The following CSMD3 variants were observed in gnomAD, a reference collection of about 807,000 sequenced individuals.
CSMD3 encodes the protein CUB and Sushi multiple domains 3.
CSMD3 carries 177 observed loss-of-function variants against 435.2 expected under a neutral mutation model. The ratio of observed to expected loss-of-function variants is 0.41; its 90% CI spans 0.36 to 0.46. The LOEUF (loss-of-function observed/expected upper bound fraction) is 0.46. CSMD3 is among the 20% of genes least tolerant of loss of function. The pLI is 0.34. For synonymous variants in CSMD3, 1,656 were observed against 1,520.5 expected (o/e 1.09, Z -2.07); for missense variants, 4,265 against 4,504.6 (o/e 0.95, Z 1.52).
At chr8:113,079,934 ATGTTTGTTTGTT>A (rs150634033) in intron 5 of CSMD3, among the ~76,000 whole-genome samples, 1 of 151,972 alleles carries the variant, frequency 6.6e-6, no homozygotes, top group African/African-American at 2.4e-5. Flanking sequence ...GTATTTTTAA[ATGTTTGTTTGTT>A]TGTTTGTTTT....
intron 28 of CSMD3, among the ~76,000 whole-genome samples, chr8:112,510,403 G>A (rs1218106915): frequency 2.6e-5 from 4 of 152,036 alleles, no homozygotes; most frequent in Non-Finnish European, 5.9e-5. Flanking sequence ...TTATCATACT[G>A]CTTATATTTC....
At chr8:112,697,035 T>C (rs989815759) in intron 13 of CSMD3, among the ~76,000 whole-genome samples, 9 of 150,942 alleles carry the variant, frequency 6.0e-5, no homozygotes, top group Non-Finnish European at 1.0e-4. Context: ...AGATACCATC[T>C]CACACCAGTT....
chr8:112,456,863 A>G lies in CSMD3; in HGVS notation c.5395+15728T>C, dbSNP rs149219934. ...ACAAACCCTCATGAAATATGATTAC[A>G]AACTCAAACATGATGCAAAGAAACC... On this transcript the variant is annotated intron_variant, in intron 32 of 70. Transcript: ENST00000297405. 3.4e-3 allele frequency among the ~76,000 whole-genome samples: 514 copies of G among 152,246 alleles called. 2 individuals are homozygous for G. The highest frequency in any genetic ancestry group is 0.012 in the African/African-American group (491 of 41,560).
intron 5 of CSMD3, among the ~76,000 whole-genome samples, chr8:113,043,056 C>G (rs922456993): frequency 6.6e-6 from 1 of 152,190 alleles, no homozygotes; most frequent in Non-Finnish European, 1.5e-5. Context: ...TTTCGTGTCT[C>G]TAAAAAATAT....
chr8:112,670,169 CAAG>C (rs1196948207), intron 16 of CSMD3, among the ~76,000 whole-genome samples: 1 of 151,940 alleles, frequency 6.6e-6, no homozygotes. Context: ...AAGATGAAAT[CAAG>C]AAGAAGAAAT....
intron 11 of CSMD3, among the ~76,000 whole-genome samples, chr8:112,850,482 G>C (rs2080453905): frequency 1.3e-5 from 2 of 152,124 alleles, no homozygotes; most frequent in African/African-American, 4.8e-5. Flanking sequence ...GAATGGACTG[G>C]TATAGTTCTC....
intron 3 of CSMD3, among the ~76,000 whole-genome samples, chr8:113,228,981 G>T (rs542702063): frequency 6.6e-6 from 1 of 151,534 alleles, no homozygotes; most frequent in Non-Finnish European, 1.5e-5. Flanking sequence ...AATTCACCAC[G>T]TTCAAGTTCT....
chr8:113,190,765 A>T (rs528090740), intron 3 of CSMD3, among the ~76,000 whole-genome samples: 46 of 151,730 alleles, frequency 3.0e-4, no homozygotes, highest in Non-Finnish European at 6.5e-4. Context: ...GTGAATGTTA[A>T]CATCACAACT....
intron 5 of CSMD3, among the ~76,000 whole-genome samples, chr8:113,095,646 A>G (rs1325860894): frequency 1.3e-5 from 2 of 152,182 alleles, no homozygotes; most frequent in Admixed American, 6.6e-5. Flanking sequence ...GATTCAACCA[A>G]TCACAGATCA....
chr8:112,486,935 G>A (rs1222155034), intron 31 of CSMD3, among the ~76,000 whole-genome samples: 1 of 152,136 alleles, frequency 6.6e-6, no homozygotes, highest in African/African-American at 2.4e-5. Context: ...TGACTAAAAG[G>A]AATCAACAAA....
chr8:112,789,288 G>C, intron 13 of CSMD3, among the ~76,000 whole-genome samples: 1 of 151,944 alleles, frequency 6.6e-6, no homozygotes, highest in East Asian at 1.9e-4. Context: ...TCAATATTGA[G>C]TGCAATATTT....
intron 5 of CSMD3, among the ~76,000 whole-genome samples, chr8:113,054,150 C>T (rs1232115967): frequency 6.6e-6 from 1 of 152,064 alleles, no homozygotes; most frequent in Non-Finnish European, 1.5e-5. Context: ...GCTTAGAGTT[C>T]GTGGCCCAAT....
chr8:113,321,074 C>A (rs1363745645), intron 1 of CSMD3, among the ~76,000 whole-genome samples: 1 of 152,008 alleles, frequency 6.6e-6, no homozygotes, highest in Non-Finnish European at 1.5e-5. Context: ...CTCCTGCATC[C>A]TATCCTATTT....
chr8:112,603,500 C>G (rs187990429), intron 22 of CSMD3, among the ~76,000 whole-genome samples: 1 of 152,230 alleles, frequency 6.6e-6, no homozygotes, highest in East Asian at 1.9e-4. Flanking sequence ...TAATTTTGTG[C>G]AGTTGTGATT....
At chr8:112,573,937 A>T (rs538419454) in intron 23 of CSMD3, among the ~76,000 whole-genome samples, 1 of 151,996 alleles carries the variant, frequency 6.6e-6, no homozygotes, top group South Asian at 2.1e-4. Flanking sequence ...TTTTTCTGGG[A>T]GACAATTTAA....
intron 3 of CSMD3, among the ~76,000 whole-genome samples, chr8:113,222,409 G>A (rs2092978630): frequency 6.6e-6 from 1 of 150,678 alleles, no homozygotes; most frequent in Admixed American, 6.7e-5. Context: ...ATATGTATGG[G>A]CAATAATCAT....
At chr8:112,575,166 G>T (rs183374204) in intron 23 of CSMD3, among the ~76,000 whole-genome samples, 1 of 151,932 alleles carries the variant, frequency 6.6e-6, no homozygotes, top group Non-Finnish European at 1.5e-5. Context: ...TAATGTTAAG[G>T]TTATGCCAAA....
chr8:112,945,588 ATGTGTG>A (rs10574750), intron 9 of CSMD3, among the ~76,000 whole-genome samples: 6,213 of 140,648 alleles, frequency 0.044, 206 homozygotes, highest in Non-Finnish European at 0.064. Context: ...ATACAGAAAT[ATGTGTG>A]TGTGTGTGTG....
At chr8:113,105,733 A>C (rs1467568105) in intron 4 of CSMD3, among the ~76,000 whole-genome samples, 3 of 152,156 alleles carry the variant, frequency 2.0e-5, no homozygotes, top group African/African-American at 7.2e-5. Flanking sequence ...AAAATGCAAT[A>C]CTTAAAGCTT....
Sources: gnomAD v4.1 joint callset for allele counts (sites outside exome capture counted in the v4.1 genomes callset) on GRCh38, gnomAD v4.1.1 for gene constraint, MANE v1.5 for transcripts, NCBI Gene and HGNC (gene_info 2026-07-23, HGNC 2026-07-21) for gene names.